The following ROBO2 variants were observed in gnomAD, a reference collection of about 807,000 sequenced individuals.
ROBO2 encodes roundabout homolog 2.
Under a neutral mutation model 160.8 loss-of-function variants are expected in ROBO2, and 53 were observed. The observed-to-expected ratio is 0.33, with a 90% CI of 0.26 to 0.41. ROBO2 has a LOEUF of 0.41. Ranked by LOEUF, ROBO2 falls within the 10% of genes least tolerant of loss-of-function variation. ROBO2 has a pLI of 1.00. For missense variants in ROBO2, 1,577 were observed against 1,722.4 expected (o/e 0.92, Z 1.49); for synonymous variants, 664 against 611.7 (o/e 1.09, Z -1.26).
At chr3:77,462,419 T>G (rs2082338221) in intron 2 of ROBO2, among the ~76,000 whole-genome samples, 1 of 152,238 alleles carries the variant, frequency 6.6e-6, no homozygotes, top group Non-Finnish European at 1.5e-5. Flanking sequence ...AATTGTACAC[T>G]TTGATCAGGC....
intron 2 of ROBO2, among the ~76,000 whole-genome samples, chr3:77,446,857 C>A (rs555409363): frequency 5.3e-5 from 8 of 152,198 alleles, no homozygotes; most frequent in Middle Eastern, 3.4e-3. Flanking sequence ...AGCTATTTCT[C>A]TCATGGCCCC....
rs187193744 is a variant in ROBO2, at chr3:77,586,145, G to A, written c.2501-2606G>A. ...TGTTCTTTTCTGTGCAGTTTCCTAT[G>A]GTAAGATGACTTTTACATCATAGTG... On this transcript the variant is annotated intron_variant, in intron 16 of 25. Coordinates refer to ENST00000461745, the Ensembl canonical transcript of ROBO2. Among the ~76,000 whole-genome samples the A allele has an allele frequency of 5.1e-4, 77 of 152,108 alleles. 1 individual carries two copies. Among genetic ancestry groups the A allele is most frequent in the Non-Finnish European group, 5.7e-4 (39 of 67,958 alleles).
chr3:76,838,023 A>G (rs1347931669), intron 2 of ROBO2, among the ~76,000 whole-genome samples: 1 of 152,102 alleles, frequency 6.6e-6, no homozygotes, highest in African/African-American at 2.4e-5. Context: ...TCATTACGCT[A>G]GACAATATTC....
intron 2 of ROBO2, among the ~76,000 whole-genome samples, chr3:76,708,853 A>G (rs1049167576): frequency 6.6e-6 from 1 of 152,140 alleles, no homozygotes; most frequent in African/African-American, 2.4e-5. Context: ...AGTAGTGGGA[A>G]TAGAGGGAAG....
chr3:77,240,115 G>A (rs1245968673), intron 2 of ROBO2, among the ~76,000 whole-genome samples: 3 of 152,168 alleles, frequency 2.0e-5, no homozygotes, highest in African/African-American at 4.8e-5. Flanking sequence ...TTGGGAGGTC[G>A]ATGGGACTGG....
intron 2 of ROBO2, among the ~76,000 whole-genome samples, chr3:76,737,242 T>C (rs1180977336): frequency 6.6e-6 from 1 of 152,146 alleles, no homozygotes; most frequent in African/African-American, 2.4e-5. Context: ...TATTTTATAG[T>C]AAGAAAGAGA....
chr3:77,472,108 T>TGA (rs141138831), intron 2 of ROBO2, among the ~76,000 whole-genome samples: 30 of 149,866 alleles, frequency 2.0e-4, no homozygotes, highest in South Asian at 8.5e-4. Context: ...TAAGCCACAA[T>TGA]GAGAGAGAGA....
At chr3:76,574,398 A>G (rs1044185801) in intron 2 of ROBO2, among the ~76,000 whole-genome samples, 2 of 152,130 alleles carry the variant, frequency 1.3e-5, no homozygotes, top group Admixed American at 6.6e-5. Flanking sequence ...CATTCTCTTT[A>G]TGTAGCATAC....
At chr3:76,194,984 T>A (rs1371838234) in intron 2 of ROBO2, among the ~76,000 whole-genome samples, 1 of 152,196 alleles carries the variant, frequency 6.6e-6, no homozygotes, top group African/African-American at 2.4e-5. Context: ...GAGTAGTTCA[T>A]TAATATTTGA....
chr3:76,326,227 A>G (rs1413709668), intron 2 of ROBO2, among the ~76,000 whole-genome samples: 2 of 152,170 alleles, frequency 1.3e-5, no homozygotes, highest in Admixed American at 6.5e-5. Flanking sequence ...AAAATGGCAC[A>G]TGATCAATGT....
chr3:76,622,278 GA>G (rs1221534138), intron 2 of ROBO2, among the ~76,000 whole-genome samples: 2 of 87,264 alleles, frequency 2.3e-5, no homozygotes, highest in African/African-American at 9.0e-5. Context: ...AAGAAAGAAA[GA>G]AAGAAAGAAA....
At chr3:76,166,700 T>C (rs929032609) in intron 2 of ROBO2, among the ~76,000 whole-genome samples, 2 of 152,102 alleles carry the variant, frequency 1.3e-5, no homozygotes, top group African/African-American at 4.8e-5. Flanking sequence ...CAGCATAATA[T>C]ACATGAGAAT....
chr3:77,561,761 A>G (rs567243314), intron 9 of ROBO2, among the ~76,000 whole-genome samples: 1 of 152,306 alleles, frequency 6.6e-6, no homozygotes, highest in South Asian at 2.1e-4. Context: ...TGCAATTTAC[A>G]TATAAGTGAA....
intron 2 of ROBO2, among the ~76,000 whole-genome samples, chr3:77,439,060 A>G (rs890231801): frequency 1.4e-4 from 22 of 152,014 alleles, no homozygotes; most frequent in Non-Finnish European, 2.1e-4. Context: ...AAAATACAAA[A>G]GGACAATATA....
chr3:76,956,524 T>A (rs2079274258), intron 2 of ROBO2, among the ~76,000 whole-genome samples: 1 of 144,792 alleles, frequency 6.9e-6, no homozygotes, highest in Non-Finnish European at 1.5e-5. Context: ...GCCACTGCAC[T>A]CCAGCCTGGG....
chr3:77,443,114 T>C (rs2080119980), intron 2 of ROBO2, among the ~76,000 whole-genome samples: 1 of 152,220 alleles, frequency 6.6e-6, no homozygotes, highest in African/African-American at 2.4e-5. Context: ...TAGGATTTCA[T>C]TGGATACAAT....
intron 2 of ROBO2, among the ~76,000 whole-genome samples, chr3:76,987,651 A>T (rs1374876141): frequency 1.3e-5 from 2 of 152,168 alleles, no homozygotes; most frequent in African/African-American, 2.4e-5. Context: ...AAAGCCAGTG[A>T]TATTTTATGT....
chr3:75,989,936 T>C (rs1361902290), intron 2 of ROBO2, among the ~76,000 whole-genome samples: 3 of 152,212 alleles, frequency 2.0e-5, no homozygotes, highest in Admixed American at 6.5e-5. Flanking sequence ...AGGAATTTCC[T>C]TTTAATTGGC....
chr3:77,059,716 G>A lies in ROBO2; in HGVS notation c.61+18870G>A, dbSNP rs545262536. 3.3e-5 allele frequency among the ~76,000 whole-genome samples: 5 copies of A among 152,212 alleles called. No homozygotes were observed. In the East Asian group the frequency reaches 9.7e-4, roughly 29 times the overall value. On this transcript the variant is annotated intron_variant, in intron 1 of 25. Coordinates refer to ENST00000461745, the Ensembl canonical transcript of ROBO2. ...TTTGATCAGCCTCTCATTTATGAGA[G>A]ATTGACCAAAGTTTGGGCATAAGCA...
Sources: allele counts gnomAD v4.1 joint callset (sites outside exome capture counted in the v4.1 genomes callset), GRCh38; gene constraint gnomAD v4.1.1; transcripts MANE v1.5; gene names NCBI Gene and HGNC (gene_info 2026-07-23, HGNC 2026-07-21).